The following DNAH14 variants were observed in gnomAD, a reference collection of about 807,000 sequenced individuals.
DNAH14 encodes axonemal beta dynein heavy chain 14.
In DNAH14, 478 loss-of-function variants were observed where a neutral mutation model predicts 520.9. The ratio of observed to expected loss-of-function variants is 0.92; its 90% CI spans 0.85 to 0.99. The LOEUF (loss-of-function observed/expected upper bound fraction) is 0.99. Ranked by LOEUF, DNAH14 falls within the 50% of genes least tolerant of loss-of-function variation. DNAH14 has a pLI of 0.00. For missense variants in DNAH14, 4,831 were observed against 5,234.5 expected, an observed-to-expected ratio of 0.92 and a Z score of 2.38; for synonymous variants, 1,581 against 1,757.2, an observed-to-expected ratio of 0.90 and a Z score of 2.51.
intron 1 of DNAH14, among the ~76,000 whole-genome samples, chr1:224,932,171 T>C (rs1306607395): frequency 6.6e-6 from 1 of 152,186 alleles, no homozygotes; most frequent in African/African-American, 2.4e-5. Flanking sequence ...GGTAGGATGG[T>C]ATCTCATTCT....
rs531815515 is a variant in DNAH14 at position 225,277,477 on chromosome 1, G to A, written c.8246G>A (p.Arg2749Gln). 2.8e-4 allele frequency: 134 copies of A among 470,856 alleles called. No individual in the cohort carries two copies. The highest frequency in any genetic ancestry group is 1.5e-3 in the East Asian group (22 of 14,382). The allele number at this position is 470,856 out of a possible 1,614,324, so 29.2% of individuals were successfully genotyped here. A position where few individuals can be genotyped will look rare whatever the true frequency, so the allele number is the denominator to read the frequency against. Residue 2749 changes from arginine (R) to glutamine (Q), a missense_variant, in exon 54 of 86, where the codon CGA becomes CAA. Coordinates refer to ENST00000682510, the MANE Select transcript of DNAH14 (RefSeq NM_001367479.1). Reference protein sequence around the residue: ...EHIIRATRVLRQPGSHMLLIG... With the variant: ...EHIIRATRVLQQPGSHMLLIG... ...ATCATAAGAGCAACAAGGGTTCTTC[G>A]ACAACCAGGGAGTCACATGTTACTG...
chr1:225,302,068 A>G (rs2094148711), intron 56 of DNAH14, among the ~76,000 whole-genome samples: 1 of 148,834 alleles, frequency 6.7e-6, no homozygotes, highest in African/African-American at 2.4e-5. Flanking sequence ...CAAGAATCTC[A>G]GTTAGAAGTC....
chr1:225,002,664 G>A lies in DNAH14; in HGVS notation c.831-119G>A. ...CTTACTAATCATTATCGTTTAAAAT[G>A]GGGTAGATGTAAAACATTTCAACTA... On this transcript the variant is annotated intron_variant, in intron 8 of 85. Transcript: ENST00000682510. 4 of 945,202 alleles carry A rather than the reference G, an allele frequency of 4.2e-6. No homozygotes were observed. In the South Asian group the frequency reaches 4.8e-5, roughly 11 times the overall value. 58.6% of individuals were successfully genotyped at this position (945,202 alleles called of 1,614,324 possible).
chr1:225,252,897 A>T (rs527451866), intron 44 of DNAH14, among the ~76,000 whole-genome samples: 8 of 152,334 alleles, frequency 5.3e-5, no homozygotes, highest in African/African-American at 1.9e-4. Flanking sequence ...TAGCAGAAAA[A>T]AGAAACTTGT....
intron 23 of DNAH14, among the ~76,000 whole-genome samples, chr1:225,111,793 T>C (rs1204632065): frequency 6.6e-6 from 1 of 152,086 alleles, no homozygotes; most frequent in Non-Finnish European, 1.5e-5. Context: ...CTTTTTTATG[T>C]ATCTATTTTA....
At chr1:225,278,440 C>T (rs1228722481) in intron 54 of DNAH14, among the ~76,000 whole-genome samples, 1 of 152,150 alleles carries the variant, frequency 6.6e-6, no homozygotes, top group African/African-American at 2.4e-5. Flanking sequence ...GCTATTTAAG[C>T]CACTGTTATC....
chr1:225,083,076 T>A (rs2148597275), intron 20 of DNAH14, among the ~76,000 whole-genome samples: 1 of 152,274 alleles, frequency 6.6e-6, no homozygotes, highest in South Asian at 2.1e-4. Flanking sequence ...GTATTCATTA[T>A]ATGTAAAATG....
rs2094290916 is a variant in DNAH14 at position 225,308,289 on chromosome 1, C to T, written c.9119C>T (p.Thr3040Ile). Residue 3040 changes from threonine to isoleucine, a missense_variant, in exon 60 of 86, where the codon ACA becomes ATA. Thr to Ile is a moderately conservative substitution (Grantham distance 89). Transcript: ENST00000682510. ...AACAATTATGTGCTTCATTAGGAAA[C>T]AGAAACTCTAATGGAAAAACTACGG... ...GPQVEQKTKE[T>I]ETLMEKLRKD... The T allele has an allele frequency of 6.5e-7, 1 of 1,535,950 alleles. No homozygotes were observed. Among genetic ancestry groups the T allele is most frequent in the African/African-American group, 1.4e-5 (1 of 71,970 alleles).
intron 39 of DNAH14, among the ~76,000 whole-genome samples, chr1:225,204,631 A>G (rs2087292451): frequency 6.6e-6 from 1 of 152,212 alleles, no homozygotes; most frequent in African/African-American, 2.4e-5. Flanking sequence ...CAATTTGTAC[A>G]TTTCCAGGCC....
intron 26 of DNAH14, among the ~76,000 whole-genome samples, chr1:225,120,960 G>A (rs2077241312): frequency 6.6e-6 from 1 of 151,902 alleles, no homozygotes. Flanking sequence ...ATTTAACATC[G>A]AAAAGTACAA....
At chr1:225,340,848 C>G in intron 69 of DNAH14, 147 bp downstream of exon 69, 1 of 1,008,476 alleles carries the variant, frequency 9.9e-7, no homozygotes, top group East Asian at 2.7e-5. Context: ...CACCCCATTT[C>G]TAAACTTAAA....
At chr1:225,393,518 T>C (rs1297921539) in intron 84 of DNAH14, among the ~76,000 whole-genome samples, 1 of 152,212 alleles carries the variant, frequency 6.6e-6, no homozygotes, top group African/African-American at 2.4e-5. Context: ...ACATCATCGC[T>C]AGGTGATAGG....
In DNAH14 at chr1:225,392,163, C is replaced by T. The variant is rs566803981; in HGVS notation, c.13331-128C>T. On this transcript the variant is annotated intron_variant, in intron 83 of 85. Coordinates refer to ENST00000682510, the MANE Select transcript of DNAH14 (RefSeq NM_001367479.1). ...AACTGGTCCTCTGCTCCCGCCCAGCCCATCTCTTTTGTTCTCTCTTTTTCC... is the reference window on the plus strand; with the variant it reads ...AACTGGTCCTCTGCTCCCGCCCAGCTCATCTCTTTTGTTCTCTCTTTTTCC... 1.3e-3 allele frequency: 1,505 copies of T among 1,188,164 alleles called. 3 individuals carry two copies. Among genetic ancestry groups the T allele is most frequent in the Non-Finnish European group, 1.6e-3 (1,351 of 859,610 alleles). The allele number at this position is 1,188,164 out of a possible 1,614,324, so 73.6% of individuals were successfully genotyped here.
At chr1:225,252,549 A>G in intron 44 of DNAH14, 132 bp downstream of exon 44, 2 of 564,734 alleles carry the variant, frequency 3.5e-6, no homozygotes, top group Non-Finnish European at 6.1e-6. Flanking sequence ...ATGTTTGTGT[A>G]GAGACCAGTT....
At chr1:225,258,233 GT>G in intron 45 of DNAH14, 115 bp downstream of exon 45, 2 of 1,014,134 alleles carry the variant, frequency 2.0e-6, no homozygotes, top group Non-Finnish European at 2.7e-6. Flanking sequence ...AAAAGTTTTG[GT>G]TACTATATTA....
intron 17 of DNAH14, among the ~76,000 whole-genome samples, chr1:225,060,457 G>T (rs1416470594): frequency 6.6e-6 from 1 of 151,856 alleles, no homozygotes; most frequent in African/African-American, 2.4e-5. Context: ...CCATTGGTTC[G>T]ACCTTCCTCC....
chr1:225,192,889 C>G lies in DNAH14; in HGVS notation c.5864C>G (p.Ser1955Ter), dbSNP rs1365170305. ...TKKDIDLRLK[S>*]RISDLSNVFK... ...AAAGACATTGATCTCAGACTAAAGT[C>G]AAGAATCTCAGATTTATCCAATGTA... Residue 1955 changes from serine to a stop codon, truncating the protein, a stop_gained, in exon 38 of 86, where the codon TCA (serine) becomes TGA (stop). Transcript: ENST00000682510. LOFTEE classifies it high-confidence loss of function. The G allele has an allele frequency of 6.5e-7, 1 of 1,548,216 alleles. No homozygotes were observed. The highest frequency in any genetic ancestry group is 8.7e-7 in the Non-Finnish European group (1 of 1,145,086).
At chr1:225,398,458 GAGCCTCC>G in intron 84 of DNAH14, 55 bp from the exon 85 acceptor site, 1 of 1,533,916 alleles carries the variant, frequency 6.5e-7, no homozygotes. Flanking sequence ...ATTCCGGACG[GAGCCTCC>G]AGTTGGTCGC....
At chr1:225,354,308 A>G in intron 73 of DNAH14, 1 of 699,442 alleles carries the variant, frequency 1.4e-6, no homozygotes, top group Non-Finnish European at 2.6e-6. Context: ...TGTATGAGGA[A>G]GCACATTTTT....
Sources: allele counts gnomAD v4.1 joint callset (sites outside exome capture counted in the v4.1 genomes callset), GRCh38; gene constraint gnomAD v4.1.1; transcripts MANE v1.5; gene names NCBI Gene and HGNC (gene_info 2026-07-23, HGNC 2026-07-21).